Variants in ANO4 observed in about 807,000 individuals in gnomAD.
ANO4 encodes anoctamin 4.
A neutral mutation model predicts 141.9 loss-of-function variants in ANO4; 69 were observed. The ratio of observed to expected loss-of-function variants is 0.49; its 90% CI spans 0.40 to 0.59. The LOEUF is 0.59. ANO4 is among the 20% of genes least tolerant of loss of function. The probability of loss-of-function intolerance (pLI) is 0.00; values close to 1 mark genes in which losing one functional copy is unlikely to be tolerated. For synonymous variants in ANO4, 350 were observed against 394.3 expected (o/e 0.89, Z 1.33); for missense variants, 894 against 1,162.2 (o/e 0.77, Z 3.36).
chr12:100,718,937 A>G (rs1399510121), intron 1 of ANO4, among the ~76,000 whole-genome samples: 3 of 152,094 alleles, frequency 2.0e-5, no homozygotes, highest in Admixed American at 2.0e-4. Context: ...ATCATTTTAG[A>G]TTTTGTATGC....
At chr12:100,731,178 C>T (rs1038693500) in intron 1 of ANO4, among the ~76,000 whole-genome samples, 1 of 152,204 alleles carries the variant, frequency 6.6e-6, no homozygotes, top group East Asian at 1.9e-4. Context: ...ACTTCTTCCC[C>T]TCAGACCTAT....
At chr12:100,772,906 A>G (rs916335392) in intron 3 of ANO4, among the ~76,000 whole-genome samples, 3 of 152,218 alleles carry the variant, frequency 2.0e-5, no homozygotes, top group Non-Finnish European at 2.9e-5. Flanking sequence ...AAGAACGTGA[A>G]TGTTGCCTTT....
At chr12:100,888,877 T>TA (rs2039968239) in intron 1 of ANO4, among the ~76,000 whole-genome samples, 1 of 151,154 alleles carries the variant, frequency 6.6e-6, no homozygotes, top group African/African-American at 2.4e-5. Flanking sequence ...AGTCTCTTAT[T>TA]TTTATTATTA....
At chr12:100,884,621 A>G (rs1169921005) in intron 1 of ANO4, among the ~76,000 whole-genome samples, 1 of 152,176 alleles carries the variant, frequency 6.6e-6, no homozygotes, top group East Asian at 1.9e-4. Flanking sequence ...TGCAGGTCTC[A>G]CTGGGCCAAA....
At chr12:100,790,787 A>G (rs1198037240), upstream of ANO4, among the ~76,000 whole-genome samples, 1 of 152,192 alleles carries the variant, frequency 6.6e-6, no homozygotes, top group African/African-American at 2.4e-5. Context: ...TGCTCTCATT[A>G]TATTTATGTG....
chr12:101,032,730 C>T (rs1314213921), intron 9 of ANO4, among the ~76,000 whole-genome samples: 1 of 151,682 alleles, frequency 6.6e-6, no homozygotes, highest in African/African-American at 2.4e-5. Context: ...CTCACCATCA[C>T]TGGCCATCAG....
chr12:101,120,440 G>A lies in ANO4; in HGVS notation c.2571-80G>A, dbSNP rs541636748. 25 of 1,214,920 alleles carry A rather than the reference G, an allele frequency of 2.1e-5. No homozygotes were observed. In the African/African-American group the frequency reaches 3.4e-4, roughly 17 times the overall value. The allele number at this position is 1,214,920 out of a possible 1,614,324, so 75.3% of individuals were successfully genotyped here. On this transcript the variant is annotated intron_variant, in intron 25 of 27. Coordinates refer to ENST00000392977, the MANE Select transcript of ANO4 (RefSeq NM_001286615.2). ...TCAAATTTCCCTCCTATTGAATGAG[G>A]ACTATATAATGAGAATGGAAGAGAT...
chr12:101,105,682 G>C (rs139735481), intron 22 of ANO4, among the ~76,000 whole-genome samples: 3 of 152,288 alleles, frequency 2.0e-5, no homozygotes, highest in African/African-American at 7.2e-5. Flanking sequence ...CTTTCAAATA[G>C]CTATGATTTA....
At chr12:101,015,366 T>G (rs1593019094) in intron 8 of ANO4, among the ~76,000 whole-genome samples, 1 of 152,250 alleles carries the variant, frequency 6.6e-6, no homozygotes. Flanking sequence ...CTGACACAAA[T>G]AGCTGTGTGA....
intron 1 of ANO4, among the ~76,000 whole-genome samples, chr12:100,833,330 T>G (rs1435862715): frequency 6.6e-6 from 1 of 152,150 alleles, no homozygotes; most frequent in Non-Finnish European, 1.5e-5. Flanking sequence ...AAGAGTAATA[T>G]ACAAATGGAA....
chr12:101,118,726 A>G (rs935472433), intron 25 of ANO4, among the ~76,000 whole-genome samples: 1 of 152,098 alleles, frequency 6.6e-6, no homozygotes, highest in African/African-American at 2.4e-5. Flanking sequence ...TTATTTATTT[A>G]TCTTTTTATA....
intron 2 of ANO4, among the ~76,000 whole-genome samples, chr12:100,915,821 C>G (rs1027813116): frequency 6.6e-6 from 1 of 152,070 alleles, no homozygotes; most frequent in Non-Finnish European, 1.5e-5. Context: ...TTTAATGAGT[C>G]AAGGTCACAT....
chr12:100,820,126 G>C (rs1835265200), intron 1 of ANO4, among the ~76,000 whole-genome samples: 1 of 87,274 alleles, frequency 1.1e-5, no homozygotes, highest in South Asian at 4.3e-4. Context: ...GGCATTTATA[G>C]TTTTCGTGGT....
At chr12:101,065,646 G>A (rs1593173058) in intron 14 of ANO4, among the ~76,000 whole-genome samples, 2 of 152,060 alleles carry the variant, frequency 1.3e-5, no homozygotes, top group East Asian at 3.9e-4. Flanking sequence ...AAAAGCCCAG[G>A]ACCCAATTGC....
chr12:100,938,698 T>G (rs2042386428), intron 3 of ANO4, among the ~76,000 whole-genome samples: 1 of 152,200 alleles, frequency 6.6e-6, no homozygotes. Flanking sequence ...GTTATTAACG[T>G]CAACAGTCTT....
intron 1 of ANO4, among the ~76,000 whole-genome samples, chr12:100,880,640 C>T (rs7975171): frequency 0.28 from 42,690 of 152,042 alleles, 6,786 homozygotes; most frequent in South Asian, 0.4. Flanking sequence ...ACTGCTTCTG[C>T]CTTTCATATG....
intron 3 of ANO4, among the ~76,000 whole-genome samples, chr12:100,789,710 G>GAT (rs956290242): frequency 3.3e-5 from 5 of 152,122 alleles, no homozygotes; most frequent in Admixed American, 2.0e-4. Flanking sequence ...TGAAGGAGGA[G>GAT]ATATATATGG....
chr12:100,792,199 C>G (rs2034069570), upstream of ANO4, among the ~76,000 whole-genome samples: 1 of 152,108 alleles, frequency 6.6e-6, no homozygotes, highest in African/African-American at 2.4e-5. Context: ...GAATACTTGT[C>G]TTTTAGCCTT....
chr12:101,103,051 T>TA, intron 22 of ANO4, among the ~76,000 whole-genome samples: 1 of 151,212 alleles, frequency 6.6e-6, no homozygotes, highest in South Asian at 2.1e-4. Context: ...TTTTGTATGT[T>TA]TGCTTATGCA....
Sources: allele counts gnomAD v4.1 joint callset (sites outside exome capture counted in the v4.1 genomes callset), GRCh38; gene constraint gnomAD v4.1.1; transcripts MANE v1.5; gene names NCBI Gene and HGNC (gene_info 2026-07-23, HGNC 2026-07-21).